PTPRC: variants seen among roughly 807,000 people sequenced by gnomAD.
The protein encoded by PTPRC is receptor-type tyrosine-protein phosphatase C.
In PTPRC, 44 loss-of-function variants were observed where a neutral mutation model predicts 155.9. The observed-to-expected ratio is 0.28, with a 90% CI of 0.22 to 0.36. The LOEUF is 0.36. PTPRC is among the 10% of genes least tolerant of loss of function. The pLI is 1.00. For synonymous variants in PTPRC, 525 were observed against 533.1 expected, an observed-to-expected ratio of 0.98 and a Z score of 0.21; for missense variants, 1,401 against 1,564.6, an observed-to-expected ratio of 0.90 and a Z score of 1.76.
At chr1:198,729,322 G>A in intron 17 of PTPRC, 151 bp downstream of exon 17, 1 of 963,678 alleles carries the variant, frequency 1.0e-6, no homozygotes, top group African/African-American at 1.7e-5. Flanking sequence ...GCTTATTGCA[G>A]CCTCCGCCTC....
At position 198,752,606 on chromosome 1, in the gene PTPRC, C is replaced by T; in HGVS notation, c.3343C>T (p.Arg1115Ter). The change falls in exon 31 of 33, where the codon CGA (arginine) becomes TGA (stop). Residue 1115 changes from arginine to a stop codon, truncating the protein, a stop_gained. Transcript: ENST00000442510. LOFTEE classifies it high-confidence loss of function. ...ELRHSKRKDS[R>*]TVYQYQYTNW... ...ATTCTGATTTTAGAGGAAAGACTCT[C>T]GAACTGTGTACCAGTACCAATATAC... 1 of 1,612,240 alleles carries T rather than the reference C, an allele frequency of 6.2e-7. No homozygotes were observed. Among genetic ancestry groups the T allele is most frequent in the South Asian group, 1.1e-5 (1 of 91,044 alleles).
At chr1:198,651,325 T>TGTG in intron 2 of PTPRC, among the ~76,000 whole-genome samples, 1 of 151,268 alleles carries the variant, frequency 6.6e-6, no homozygotes. Flanking sequence ...TGTGTGTGTA[T>TGTG]TGGTTAAATA....
At chr1:198,716,920 C>A in intron 13 of PTPRC, 80 bp downstream of exon 13, 1 of 1,347,018 alleles carries the variant, frequency 7.4e-7, no homozygotes, top group Non-Finnish European at 1.1e-6. Flanking sequence ...ATATTTCTAT[C>A]TTTATTCTAG....
At chr1:198,649,086 C>G (rs545008192) in intron 2 of PTPRC, among the ~76,000 whole-genome samples, 1 of 151,706 alleles carries the variant, frequency 6.6e-6, no homozygotes, top group Non-Finnish European at 1.5e-5. Flanking sequence ...CCATCCTACA[C>G]TTTTTATTCC....
chr1:198,647,287 A>G (rs1338917291), intron 2 of PTPRC, among the ~76,000 whole-genome samples: 1 of 151,838 alleles, frequency 6.6e-6, no homozygotes, highest in African/African-American at 2.4e-5. Flanking sequence ...TCTTGCAGCA[A>G]CTGGTGAGCT....
chr1:198,672,051 T>C (rs184319297), intron 2 of PTPRC, among the ~76,000 whole-genome samples: 73 of 152,330 alleles, frequency 4.8e-4, no homozygotes, highest in Non-Finnish European at 3.2e-4. Flanking sequence ...TAAAATTCCA[T>C]TGGGTTTTGC....
chr1:198,727,384 A>G (rs753058532), intron 15 of PTPRC, among the ~76,000 whole-genome samples: 4 of 151,970 alleles, frequency 2.6e-5, no homozygotes, highest in Admixed American at 1.3e-4. Flanking sequence ...TGAGGACAGG[A>G]CCCTTGTTTT....
At chr1:198,715,498 TAATTGGGG>T (rs1036737593) in intron 12 of PTPRC, among the ~76,000 whole-genome samples, 25 of 152,276 alleles carry the variant, frequency 1.6e-4, no homozygotes, top group African/African-American at 6.0e-4. Context: ...AGCTTCTTGG[TAATTGGGG>T]AATTGGGGAA....
At chr1:198,639,430 T>C in intron 2 of PTPRC, 89 bp downstream of exon 2, 1 of 1,078,230 alleles carries the variant, frequency 9.3e-7, no homozygotes, top group South Asian at 1.4e-5. Context: ...TTAAATGTGT[T>C]GGTAACTGGA....
intron 2 of PTPRC, among the ~76,000 whole-genome samples, chr1:198,683,748 G>T (rs186620546): frequency 6.6e-6 from 1 of 151,956 alleles, no homozygotes; most frequent in African/African-American, 2.4e-5. Context: ...ACAAATAAAG[G>T]ATTGATATTT....
At chr1:198,747,540 G>A (rs1655188424) in intron 26 of PTPRC, among the ~76,000 whole-genome samples, 1 of 151,806 alleles carries the variant, frequency 6.6e-6, no homozygotes, top group Non-Finnish European at 1.5e-5. Flanking sequence ...TTAGGAAATT[G>A]TTGATGTTTT....
rs776696331 is a variant in PTPRC at position 198,706,994 on chromosome 1, G to A, written c.904+42G>A. ...TTCTTTTAATAAATTTATAAAAACA[G>A]TACACTTTTGTGTGTGGTGTTCTCC... On this transcript the variant is annotated intron_variant, in intron 9 of 32. Coordinates refer to ENST00000442510, the MANE Select transcript of PTPRC (RefSeq NM_002838.5). The A allele has an allele frequency of 4.7e-6, 7 of 1,478,946 alleles. 1 individual carries two copies. The South Asian group carries it at 8.1e-5, about 17-fold the overall frequency. The allele number at this position is 1,478,946 out of a possible 1,614,324, so 91.6% of individuals were successfully genotyped here.
intron 2 of PTPRC, among the ~76,000 whole-genome samples, chr1:198,673,316 A>T (rs753786292): frequency 6.6e-6 from 1 of 152,180 alleles, no homozygotes; most frequent in Non-Finnish European, 1.5e-5. Context: ...TACTGTGTGG[A>T]TTCAAATTTT....
chr1:198,728,309 G>C, intron 15 of PTPRC, 31 bp from the exon 16 acceptor site: 1 of 1,562,312 alleles, frequency 6.4e-7, no homozygotes, highest in Non-Finnish European at 8.8e-7. Flanking sequence ...TTTGACAATC[G>C]TTCTCTGAAT....
intron 2 of PTPRC, among the ~76,000 whole-genome samples, chr1:198,649,345 A>G (rs910164665): frequency 2.6e-5 from 4 of 151,818 alleles, no homozygotes; most frequent in Admixed American, 2.0e-4. Context: ...TTGATGCTTT[A>G]GGTATGATAA....
Position 198,749,475 on chromosome 1 carries a change from G to A in PTPRC, c.2998G>A (p.Asp1000Asn), listed in dbSNP as rs145944629. The A allele has an allele frequency of 1.6e-4, 264 of 1,609,070 alleles. No homozygotes were observed. Among genetic ancestry groups the A allele is most frequent in the Middle Eastern group, 3.3e-4 (2 of 6,058 alleles). Residue 1000 changes from aspartate (D) to asparagine (N), a missense_variant, in exon 28 of 33, where the codon GAT (aspartate) becomes AAT (asparagine). Asp to Asn is a conservative substitution (Grantham distance 23). This residue lies in a region of PTPRC where 400 missense variants were observed against 389.5 expected (regional missense o/e 1.03). Coordinates refer to ENST00000442510, the MANE Select transcript of PTPRC (RefSeq NM_002838.5). ...GGAAATGAGTAAAGAGAGTGAGCAT[G>A]ATTCAGATGAATCCTCTGATGATGA... ...ELEMSKESEH[D>N]SDESSDDDSD...
In PTPRC at chr1:198,716,817, G is replaced by A. The variant is rs750217413; in HGVS notation, c.1427G>A (p.Cys476Tyr). The A allele has an allele frequency of 6.2e-7, 1 of 1,613,626 alleles. No homozygotes were observed. The highest frequency in any genetic ancestry group is 2.2e-5 in the East Asian group (1 of 44,812). The change falls in exon 13 of 33, where the codon TGT becomes TAT. Residue 476 changes from cysteine to tyrosine, a missense_variant. Coordinates refer to ENST00000442510, the MANE Select transcript of PTPRC (RefSeq NM_002838.5). ...CAACGTAATGGAAGTGCTGCAATGT[G>A]TCATTTCACAACTAAAAGTGCTCGT... ...KVQRNGSAAMCHFTTKSAPPS... is the reference protein window; with the variant it reads ...KVQRNGSAAMYHFTTKSAPPS...
intron 3 of PTPRC, chr1:198,695,054 G>A (rs1666127881): frequency 2.2e-6 from 2 of 929,564 alleles, no homozygotes. Flanking sequence ...TGTAATCACA[G>A]AATAGTTCTG....
intron 2 of PTPRC, among the ~76,000 whole-genome samples, chr1:198,661,010 T>C (rs1663931964): frequency 6.7e-6 from 1 of 150,274 alleles, no homozygotes; most frequent in Non-Finnish European, 1.5e-5. Flanking sequence ...AGGATCAATG[T>C]ATATATATCC....
Sources: allele counts gnomAD v4.1 joint callset (sites outside exome capture counted in the v4.1 genomes callset), GRCh38; gene constraint gnomAD v4.1.1; regional missense constraint gnomAD v4.1.1; transcripts MANE v1.5; gene names NCBI Gene and HGNC (gene_info 2026-07-23, HGNC 2026-07-21).